Variants in SRD5A3 observed in about 807,000 individuals in gnomAD.
SRD5A3 encodes the protein polyprenal reductase.
Under a neutral mutation model 34.3 loss-of-function variants are expected in SRD5A3, and 24 were observed. The ratio of observed to expected loss-of-function variants is 0.70; its 90% CI spans 0.51 to 0.99. The LOEUF (loss-of-function observed/expected upper bound fraction) is 0.99. Among genes scored for constraint, SRD5A3 ranks in the 50% least tolerant of loss-of-function variants. The pLI is 0.00. For synonymous variants in SRD5A3, 161 were observed against 167.3 expected (o/e 0.96, Z 0.29); for missense variants, 350 against 388.2 (o/e 0.90, Z 0.83).
chr4:55,359,723 C>T (rs563001239), intron 2 of SRD5A3, among the ~76,000 whole-genome samples: 15 of 152,188 alleles, frequency 9.9e-5, no homozygotes, highest in Non-Finnish European at 2.1e-4. Context: ...CTCCTGACTT[C>T]CCAGCAAGTG....
intron 2 of SRD5A3, among the ~76,000 whole-genome samples, chr4:55,360,476 ACG>A (rs1036537348): frequency 1.3e-5 from 2 of 151,478 alleles, no homozygotes; most frequent in Admixed American, 1.3e-4. Context: ...ACTGCACTCC[ACG>A]CCTGGGCAAC....
At chr4:55,362,061 T>G (rs979993251) in intron 2 of SRD5A3, among the ~76,000 whole-genome samples, 3 of 152,032 alleles carry the variant, frequency 2.0e-5, no homozygotes, top group Non-Finnish European at 4.4e-5. Context: ...TGATAGGGGT[T>G]GTTCCCCATG....
intron 1 of SRD5A3, among the ~76,000 whole-genome samples, chr4:55,354,079 C>G (rs936668433): frequency 6.6e-6 from 1 of 152,116 alleles, no homozygotes; most frequent in African/African-American, 2.4e-5. Context: ...GGAGTCTGTT[C>G]CAGCAGTCAG....
intron 4 of SRD5A3, chr4:55,369,591 C>CATGGTG (rs1720043472): frequency 1.9e-6 from 1 of 536,524 alleles, no homozygotes; most frequent in Non-Finnish European, 3.3e-6. Context: ...ATGAGCCAGG[C>CATGGTG]ATGGTGATGC....
chr4:55,370,876 A>G lies in SRD5A3; in HGVS notation c.*785A>G, dbSNP rs1720103614. The G allele has an allele frequency of 6.6e-6, 1 of 152,178 alleles. No individual in the cohort carries two copies. The highest frequency in any genetic ancestry group is 6.5e-5 in the Admixed American group (1 of 15,270). 9.4% of individuals were successfully genotyped at this position (152,178 alleles called of 1,614,324 possible). A position where few individuals can be genotyped will look rare whatever the true frequency, so the allele number is the denominator to read the frequency against. On this transcript the variant is annotated 3_prime_UTR_variant, in exon 5 of 5. Coordinates refer to ENST00000264228, the MANE Select transcript of SRD5A3 (RefSeq NM_024592.5). ...CCAGCCTGGCCTGGGCAACAGAGCA[A>G]GACCCTGTCTCAAAATAATAATAAT...
In SRD5A3 at chr4:55,359,492, A is replaced by G; in HGVS notation, c.364+4A>G. On this transcript the variant is annotated splice_donor_region_variant and intron_variant, in intron 2 of 4. Transcript: ENST00000264228. ...CTCGGGGCGGCACAGTTCCAGGGTA[A>G]GGACTCCCTGGGCTTATGACAACGC... is the stretch of plus-strand genomic sequence containing the variant. 6.2e-7 allele frequency: 1 copy of G among 1,613,910 alleles called. No homozygotes were observed. Among genetic ancestry groups the G allele is most frequent in the East Asian group, 2.2e-5 (1 of 44,862 alleles).
At chr4:55,364,052 C>A (rs762954394) in intron 2 of SRD5A3, 22 bp from the exon 3 acceptor site, 1 of 1,613,036 alleles carries the variant, frequency 6.2e-7, no homozygotes. Flanking sequence ...AAATGCTGAC[C>A]CTGTTGCCTT....
At position 55,369,931 on chromosome 4, in the gene SRD5A3, T is replaced by C; in HGVS notation, c.797T>C (p.Met266Thr). Residue 266 changes from methionine (M) to threonine (T), a missense_variant, in exon 5 of 5, where the codon ATG (methionine) becomes ACG (threonine). Met to Thr is a moderately conservative substitution (Grantham distance 81, BLOSUM62 -1). Coordinates refer to ENST00000264228, the MANE Select transcript of SRD5A3 (RefSeq NM_024592.5). ...GCAGAGCTGATGATCTACGTTTCCA[T>C]GGCCGTCACCTTTGGGTTCCACAAC... The part of the protein sequence containing the change: ...YLAELMIYVS[M>T]AVTFGFHNLT... 1.9e-6 allele frequency: 3 copies of C among 1,614,212 alleles called. No individual in the cohort carries two copies. The highest frequency in any genetic ancestry group is 2.5e-6 in the Non-Finnish European group (3 of 1,180,046).
intron 2 of SRD5A3, among the ~76,000 whole-genome samples, chr4:55,361,857 C>T (rs189493554): frequency 2.0e-5 from 3 of 152,194 alleles, no homozygotes; most frequent in Non-Finnish European, 2.9e-5. Context: ...GCTACATCAG[C>T]GGATCTCACT....
intron 1 of SRD5A3, among the ~76,000 whole-genome samples, chr4:55,357,415 A>G: frequency 6.6e-6 from 1 of 152,190 alleles, no homozygotes; most frequent in Non-Finnish European, 1.5e-5. Flanking sequence ...GCAGAACAGC[A>G]TGTTCTTGAC....
At chr4:55,358,257 T>C (rs955533081) in intron 1 of SRD5A3, among the ~76,000 whole-genome samples, 8 of 152,062 alleles carry the variant, frequency 5.3e-5, no homozygotes, top group African/African-American at 1.9e-4. Flanking sequence ...GGGCTGGACA[T>C]GGTGGCTCAC....
intron 1 of SRD5A3, among the ~76,000 whole-genome samples, chr4:55,347,831 C>A (rs1719051173): frequency 1.3e-5 from 2 of 152,204 alleles, no homozygotes; most frequent in South Asian, 4.1e-4. Context: ...CTGAGGCACC[C>A]TAAAGGGAAG....
chr4:55,362,309 G>T (rs1158855147), intron 2 of SRD5A3, among the ~76,000 whole-genome samples: 1 of 151,952 alleles, frequency 6.6e-6, no homozygotes, highest in Admixed American at 6.6e-5. Flanking sequence ...TGTATTTTTA[G>T]TAGAGACAGG....
At chr4:55,368,682 T>C (rs1267559413) in intron 4 of SRD5A3, among the ~76,000 whole-genome samples, 2 of 151,856 alleles carry the variant, frequency 1.3e-5, no homozygotes, top group Non-Finnish European at 2.9e-5. Flanking sequence ...CACCTCGGCC[T>C]CCCAAAGTGC....
At chr4:55,359,545 G>T in intron 2 of SRD5A3, 57 bp downstream of exon 2, 1 of 1,610,472 alleles carries the variant, frequency 6.2e-7, no homozygotes, top group Non-Finnish European at 8.5e-7. Context: ...GTTCCTGTCT[G>T]CAAGGGAGCA....
rs1578206694 is a variant in SRD5A3 at position 55,359,378 on chromosome 4, T to C, written c.254T>C (p.Leu85Pro). 2 of 1,614,072 alleles carry C rather than the reference T, an allele frequency of 1.2e-6. No individual in the cohort carries two copies. Among genetic ancestry groups the C allele is most frequent in the Non-Finnish European group, 1.7e-6 (2 of 1,180,050 alleles). ...YFSHFYIISV[L>P]WNGFLLWCLT... Reference sequence around the variant, plus strand: ...TCCCACTTTTATATCATCTCAGTGCTGTGGAATGGCTTCCTGCTTTGGTGC... The same window carrying C: ...TCCCACTTTTATATCATCTCAGTGCCGTGGAATGGCTTCCTGCTTTGGTGC... The change falls in exon 2 of 5, where the codon CTG (leucine) becomes CCG (proline). Residue 85 changes from leucine to proline, a missense_variant. Leu to Pro is a moderately conservative substitution (Grantham distance 98). Coordinates refer to ENST00000264228, the MANE Select transcript of SRD5A3 (RefSeq NM_024592.5).
intron 1 of SRD5A3, among the ~76,000 whole-genome samples, chr4:55,355,625 T>C (rs931161020): frequency 7.2e-5 from 11 of 152,168 alleles, no homozygotes; most frequent in African/African-American, 2.4e-4. Context: ...TTGAGTGATA[T>C]GCTTGACTTT....
chr4:55,350,874 T>A (rs557386417), intron 1 of SRD5A3, among the ~76,000 whole-genome samples: 20 of 151,492 alleles, frequency 1.3e-4, no homozygotes, highest in Non-Finnish European at 2.7e-4. Flanking sequence ...GCGATTCTCC[T>A]GCCTCAGCAC....
intron 1 of SRD5A3, among the ~76,000 whole-genome samples, chr4:55,357,690 G>C (rs1719521946): frequency 6.6e-6 from 1 of 152,230 alleles, no homozygotes; most frequent in Non-Finnish European, 1.5e-5. Context: ...GGCAAATCCA[G>C]TGATAGAATT....
Sources: allele counts gnomAD v4.1 joint callset (sites outside exome capture counted in the v4.1 genomes callset), GRCh38; gene constraint gnomAD v4.1.1; transcripts MANE v1.5; gene names NCBI Gene and HGNC (gene_info 2026-07-23, HGNC 2026-07-21).